The following SPOCK1 variants were observed in gnomAD, a reference collection of about 807,000 sequenced individuals.
SPOCK1 encodes SPARC (osteonectin), cwcv and kazal like domains proteoglycan 1.
Under a neutral mutation model 55.3 loss-of-function variants are expected in SPOCK1, and 23 were observed. The ratio of observed to expected loss-of-function variants is 0.42; its 90% CI spans 0.30 to 0.59. The LOEUF (loss-of-function observed/expected upper bound fraction) is 0.59. Among genes scored for constraint, SPOCK1 ranks in the 20% least tolerant of loss-of-function variants. The probability of loss-of-function intolerance (pLI) is 0.22; values close to 1 mark genes in which losing one functional copy is unlikely to be tolerated. For missense variants in SPOCK1, 499 were observed against 552.5 expected (o/e 0.90, Z 0.97); for synonymous variants, 226 against 221.0 (o/e 1.02, Z -0.20).
At chr5:136,980,919 T>C (rs567669499) in intron 9 of SPOCK1, among the ~76,000 whole-genome samples, 4 of 152,164 alleles carry the variant, frequency 2.6e-5, no homozygotes, top group Non-Finnish European at 5.9e-5. Flanking sequence ...AAGTAGCATT[T>C]TGATTAATTT....
chr5:137,081,548 T>C (rs1371428882), intron 5 of SPOCK1, among the ~76,000 whole-genome samples: 3 of 152,166 alleles, frequency 2.0e-5, no homozygotes, highest in African/African-American at 7.2e-5. Flanking sequence ...TTTCTTCCTT[T>C]CTCCCCTATC....
At chr5:137,170,353 T>C (rs1161843650) in intron 3 of SPOCK1, among the ~76,000 whole-genome samples, 1 of 152,180 alleles carries the variant, frequency 6.6e-6, no homozygotes, top group East Asian at 1.9e-4. Flanking sequence ...TTCCAGGCAC[T>C]GGACCAAGCA....
At chr5:137,148,617 T>C (rs1754251275) in intron 3 of SPOCK1, among the ~76,000 whole-genome samples, 1 of 152,138 alleles carries the variant, frequency 6.6e-6, no homozygotes, top group Non-Finnish European at 1.5e-5. Flanking sequence ...GGGAGAACAT[T>C]ACATACTCTG....
At position 137,494,834 on chromosome 5, in the gene SPOCK1, A is replaced by T. The variant is rs115077241; in HGVS notation, c.186+3539T>A. 3.0e-3 allele frequency among the ~76,000 whole-genome samples: 452 copies of T among 152,310 alleles called. 3 individuals are homozygous for T. Among genetic ancestry groups the T allele is most frequent in the African/African-American group, 0.011 (439 of 41,568 alleles). On this transcript the variant is annotated intron_variant, in intron 2 of 10. Coordinates refer to ENST00000394945, the MANE Select transcript of SPOCK1 (RefSeq NM_004598.4). Reference sequence around the variant, plus strand: ...TGAAGGTACAAATGAACAGAGGAAAATTTCCTTATGGTAATGGTTATGGAA... The same window carrying T: ...TGAAGGTACAAATGAACAGAGGAAATTTTCCTTATGGTAATGGTTATGGAA...
Position 137,470,792 on chromosome 5 carries a change from T to C in SPOCK1, c.186+27581A>G, listed in dbSNP as rs556280258. On this transcript the variant is annotated intron_variant, in intron 2 of 10. Coordinates refer to ENST00000394945, the MANE Select transcript of SPOCK1 (RefSeq NM_004598.4). ...AAAATTCTGGCTGCCCTCTCTCCAG[T>C]ACTAAAAGGGAGAATCTGTCTGGAG... 3.6e-3 allele frequency among the ~76,000 whole-genome samples: 545 copies of C among 152,240 alleles called. 1 individual carries two copies. The highest frequency in any genetic ancestry group is 7.5e-3 in the Admixed American group (114 of 15,302).
At chr5:137,056,282 T>G (rs138949975) in intron 6 of SPOCK1, among the ~76,000 whole-genome samples, 142 of 151,348 alleles carry the variant, frequency 9.4e-4, no homozygotes, top group African/African-American at 3.2e-3. Flanking sequence ...GGACAGGGGG[T>G]CTATGGGAAG....
rs988058982 is a variant in SPOCK1, at chr5:137,375,934, G to A, written c.187-108879C>T. Among the ~76,000 whole-genome samples the A allele has an allele frequency of 2.0e-5, 3 of 152,286 alleles. No homozygotes were observed. In the South Asian group the frequency reaches 6.2e-4, roughly 32 times the overall value. ...AGTCCACGCCTGCCACTTCAAAGGG[G>A]CTTAGAAGAATGCTCCCTTCCTCTG... is the stretch of plus-strand genomic sequence containing the variant. On this transcript the variant is annotated intron_variant, in intron 2 of 10. Transcript: ENST00000394945.
intron 3 of SPOCK1, among the ~76,000 whole-genome samples, chr5:137,199,089 T>C (rs558913697): frequency 6.6e-6 from 1 of 152,344 alleles, no homozygotes; most frequent in African/African-American, 2.4e-5. Flanking sequence ...CCATTAACTT[T>C]TTCACTGTTT....
chr5:137,030,795 A>G (rs1751763931), intron 6 of SPOCK1, among the ~76,000 whole-genome samples: 1 of 152,224 alleles, frequency 6.6e-6, no homozygotes, highest in Admixed American at 6.5e-5. Flanking sequence ...TAATAATGCT[A>G]ACAAAATATT....
chr5:137,204,355 G>A (rs984378705), intron 3 of SPOCK1, among the ~76,000 whole-genome samples: 1 of 152,186 alleles, frequency 6.6e-6, no homozygotes, highest in African/African-American at 2.4e-5. Context: ...CCCACTCTGT[G>A]TCTGGGAGAG....
At chr5:137,251,870 T>G (rs906150567) in intron 3 of SPOCK1, among the ~76,000 whole-genome samples, 2 of 152,238 alleles carry the variant, frequency 1.3e-5, no homozygotes, top group Non-Finnish European at 2.9e-5. Flanking sequence ...TACAAGCATT[T>G]GTCAGATACA....
chr5:137,315,104 G>C (rs947577012), intron 2 of SPOCK1, among the ~76,000 whole-genome samples: 61 of 152,026 alleles, frequency 4.0e-4, no homozygotes, highest in African/African-American at 1.4e-3. Context: ...ACTCTTCTCT[G>C]ATAGGGAAAA....
At chr5:137,406,793 C>T (rs891538917) in intron 2 of SPOCK1, among the ~76,000 whole-genome samples, 3 of 152,200 alleles carry the variant, frequency 2.0e-5, no homozygotes, top group African/African-American at 7.2e-5. Context: ...ATGAACCTCA[C>T]CCCAGTGTTC....
intron 5 of SPOCK1, among the ~76,000 whole-genome samples, chr5:137,081,103 G>C (rs1752871850): frequency 6.6e-6 from 1 of 152,222 alleles, no homozygotes; most frequent in African/African-American, 2.4e-5. Flanking sequence ...CTGCAGATCA[G>C]CCTTCTGAGG....
At chr5:137,162,969 GA>G (rs1316435639) in intron 3 of SPOCK1, among the ~76,000 whole-genome samples, 8 of 152,186 alleles carry the variant, frequency 5.3e-5, no homozygotes, top group African/African-American at 1.4e-4. Context: ...TGGAGAAGCA[GA>G]AAGGGAAGGC....
chr5:137,454,251 G>A (rs1440875921), intron 2 of SPOCK1, among the ~76,000 whole-genome samples: 1 of 152,078 alleles, frequency 6.6e-6, no homozygotes, highest in African/African-American at 2.4e-5. Flanking sequence ...ACAACAGACA[G>A]AAAGCCAGAC....
At position 137,497,038 on chromosome 5, in the gene SPOCK1, C is replaced by G. The variant is rs188883891; in HGVS notation, c.186+1335G>C. Among the ~76,000 whole-genome samples, 7 of 152,288 alleles carry G rather than the reference C, an allele frequency of 4.6e-5. No homozygotes were observed. In the East Asian group the frequency reaches 1.2e-3, roughly 25 times the overall value. The stretch of plus-strand genomic sequence containing the variant: ...CCCCCACACAAAGCTATGAGTGCAT[C>G]TCCTCTGGACAGGGATCTGGAGAGG... On this transcript the variant is annotated intron_variant, in intron 2 of 10. Coordinates refer to ENST00000394945, the MANE Select transcript of SPOCK1 (RefSeq NM_004598.4).
chr5:137,031,456 C>T lies in SPOCK1; in HGVS notation c.589+36259G>A, dbSNP rs141810533. ...CCCCAATGGGAAAACCTAGCAGCTACTATATGTTTGTAATTCTAATTCTTC... is the reference window on the plus strand; with the variant it reads ...CCCCAATGGGAAAACCTAGCAGCTATTATATGTTTGTAATTCTAATTCTTC... On this transcript the variant is annotated intron_variant, in intron 6 of 10. Coordinates refer to ENST00000394945, the MANE Select transcript of SPOCK1 (RefSeq NM_004598.4). Among the ~76,000 whole-genome samples, 505 of 152,282 alleles carry T rather than the reference C, an allele frequency of 3.3e-3. 2 individuals carry two copies. The highest frequency in any genetic ancestry group is 5.7e-3 in the Non-Finnish European group (387 of 68,016).
rs748284037 is a variant in SPOCK1, at chr5:136,988,442, T to C, written c.908A>G (p.Tyr303Cys). 2 of 1,614,064 alleles carry C rather than the reference T, an allele frequency of 1.2e-6. No individual in the cohort carries two copies. Among genetic ancestry groups the C allele is most frequent in the African/African-American group, 2.7e-5 (2 of 75,034 alleles). ...CTTACCTCCAGGCTTCTGGAAGCAG[T>C]AGCACCACTCATTGTTAGAAAGCTT... is the stretch of plus-strand genomic sequence containing the variant. ...DGKLSNNEWC[Y>C]CFQKPGGLPC... Residue 303 changes from tyrosine to cysteine, a missense_variant, in exon 8 of 11, where the codon TAC becomes TGC. Transcript: ENST00000394945.
Sources: gnomAD v4.1 joint callset for allele counts (sites outside exome capture counted in the v4.1 genomes callset) on GRCh38, gnomAD v4.1.1 for gene constraint, MANE v1.5 for transcripts, NCBI Gene and HGNC (gene_info 2026-07-23, HGNC 2026-07-21) for gene names.